The following RALGAPB variants were observed in gnomAD, a reference collection of about 807,000 sequenced individuals.
RALGAPB encodes the protein ral GTPase-activating protein subunit beta.
Under a neutral mutation model 161.1 loss-of-function variants are expected in RALGAPB, and 25 were observed. That is an observed-to-expected ratio of 0.16 (90% CI 0.11 to 0.22). The LOEUF (loss-of-function observed/expected upper bound fraction) is 0.22, where lower values mean the gene tolerates loss of function less well. Among genes scored for constraint, RALGAPB ranks in the 10% least tolerant of loss-of-function variants. RALGAPB has a pLI of 1.00. For missense variants in RALGAPB, 1,391 were observed against 1,815.2 expected, an observed-to-expected ratio of 0.77 and a Z score of 4.25; for synonymous variants, 629 against 626.1, an observed-to-expected ratio of 1.00 and a Z score of -0.07.
At chr20:38,560,109 T>G (rs972627894) in intron 23 of RALGAPB, among the ~76,000 whole-genome samples, 13 of 152,152 alleles carry the variant, frequency 8.5e-5, no homozygotes, top group African/African-American at 3.1e-4. Context: ...TGAGAAAGTT[T>G]TTTTTTTTTG....
At chr20:38,556,059 A>G (rs1174361356) in intron 22 of RALGAPB, among the ~76,000 whole-genome samples, 1 of 152,196 alleles carries the variant, frequency 6.6e-6, no homozygotes, top group Admixed American at 6.5e-5. Flanking sequence ...GTCAGTATTT[A>G]CTAGAATCAT....
At chr20:38,514,554 G>A (rs1470175372) in intron 6 of RALGAPB, among the ~76,000 whole-genome samples, 2 of 152,164 alleles carry the variant, frequency 1.3e-5, no homozygotes, top group East Asian at 3.9e-4. Context: ...CAGGTCATGA[G>A]GATTTTTTAT....
chr20:38,572,972 G>C (rs189352314), intron 28 of RALGAPB, among the ~76,000 whole-genome samples: 1 of 151,800 alleles, frequency 6.6e-6, no homozygotes, highest in Non-Finnish European at 1.5e-5. Context: ...TTTTCTTTAT[G>C]ACACTAACTT....
intron 6 of RALGAPB, among the ~76,000 whole-genome samples, chr20:38,511,763 CTT>C (rs1325772344): frequency 6.6e-6 from 1 of 152,270 alleles, no homozygotes; most frequent in Non-Finnish European, 1.5e-5. Context: ...TCTGATCTCT[CTT>C]TCTTTTCCCC....
chr20:38,567,019 G>A (rs1432383161), intron 25 of RALGAPB, 77 bp from the exon 26 acceptor site: 1 of 1,525,344 alleles, frequency 6.6e-7, no homozygotes, highest in Non-Finnish European at 8.8e-7. Context: ...TTAGACTGGT[G>A]AGCATAATTA....
chr20:38,542,865 GA>G (rs139383773), intron 18 of RALGAPB, among the ~76,000 whole-genome samples: 19 of 148,068 alleles, frequency 1.3e-4, no homozygotes, highest in African/African-American at 3.2e-4. Flanking sequence ...TTCCATCTCA[GA>G]AAAAAAAAAG....
chr20:38,527,709 A>G (rs926794042), intron 13 of RALGAPB, among the ~76,000 whole-genome samples: 2 of 152,178 alleles, frequency 1.3e-5, no homozygotes, highest in Middle Eastern at 3.2e-3. Flanking sequence ...AGAACCTCCA[A>G]GTTACAATGT....
At chr20:38,476,486 G>A (rs1403081950) in intron 1 of RALGAPB, among the ~76,000 whole-genome samples, 4 of 152,076 alleles carry the variant, frequency 2.6e-5, no homozygotes, top group African/African-American at 9.7e-5. Flanking sequence ...GTCCCCTTTC[G>A]CCCCCGACCC....
At chr20:38,483,194 CTAT>C (rs2085024720) in intron 1 of RALGAPB, among the ~76,000 whole-genome samples, 1 of 152,206 alleles carries the variant, frequency 6.6e-6, no homozygotes, top group East Asian at 1.9e-4. Flanking sequence ...TGGCCTTATT[CTAT>C]TATTATCCCC....
intron 14 of RALGAPB, among the ~76,000 whole-genome samples, chr20:38,532,232 A>G (rs1275734928): frequency 4.6e-5 from 7 of 151,638 alleles, no homozygotes; most frequent in Admixed American, 4.6e-4. Flanking sequence ...ATTTTTTTGT[A>G]TTTTTTAATA....
intron 2 of RALGAPB, among the ~76,000 whole-genome samples, chr20:38,491,376 G>A (rs1443974527): frequency 6.6e-6 from 1 of 151,762 alleles, no homozygotes; most frequent in Non-Finnish European, 1.5e-5. Context: ...AGAGCCTTTG[G>A]CATGCCACTG....
At chr20:38,539,023 T>C (rs1346368249) in intron 16 of RALGAPB, among the ~76,000 whole-genome samples, 1 of 152,210 alleles carries the variant, frequency 6.6e-6, no homozygotes, top group Admixed American at 6.5e-5. Context: ...TAAATTGTGG[T>C]ATATCCATGC....
At chr20:38,510,301 C>T (rs942728487) in intron 6 of RALGAPB, among the ~76,000 whole-genome samples, 1 of 152,102 alleles carries the variant, frequency 6.6e-6, no homozygotes, top group African/African-American at 2.4e-5. Context: ...AGCCACCGCA[C>T]CCAGCCTGGA....
chr20:38,503,631 T>C (rs144472466), intron 5 of RALGAPB, among the ~76,000 whole-genome samples: 1 of 152,332 alleles, frequency 6.6e-6, no homozygotes, highest in African/African-American at 2.4e-5. Flanking sequence ...ATTGTTGAAA[T>C]GACAGCAAAG....
At chr20:38,473,721 C>T (rs912192527) in intron 1 of RALGAPB, among the ~76,000 whole-genome samples, 23 of 152,184 alleles carry the variant, frequency 1.5e-4, no homozygotes, top group African/African-American at 4.8e-4. Flanking sequence ...GGCAGTGGCT[C>T]TCCAACTTTG....
chr20:38,551,574 A>G (rs2087378695), intron 21 of RALGAPB, among the ~76,000 whole-genome samples: 2 of 152,318 alleles, frequency 1.3e-5, no homozygotes, highest in South Asian at 4.1e-4. Flanking sequence ...TTTCACTCAT[A>G]TGGAATTTTA....
intron 14 of RALGAPB, among the ~76,000 whole-genome samples, chr20:38,532,206 C>T (rs141090607): frequency 0.022 from 3,401 of 152,248 alleles, 41 homozygotes; most frequent in Non-Finnish European, 0.031. Context: ...CAGGCGCCTG[C>T]CACTGCGCCC....
intron 18 of RALGAPB, among the ~76,000 whole-genome samples, chr20:38,541,741 A>C (rs1040681489): frequency 1.3e-5 from 2 of 152,200 alleles, no homozygotes; most frequent in African/African-American, 4.8e-5. Flanking sequence ...TATTAGGTGG[A>C]AAATAAGTGC....
Position 38,577,869 on chromosome 20 carries a change from T to C in RALGAPB, c.*2902T>C, listed in dbSNP as rs1365091130. 6.6e-6 allele frequency: 1 copy of C among 152,220 alleles called. No individual in the cohort carries two copies. Among genetic ancestry groups the C allele is most frequent in the Non-Finnish European group, 1.5e-5 (1 of 68,076 alleles). 9.4% of individuals were successfully genotyped at this position (152,220 alleles called of 1,614,324 possible). On this transcript the variant is annotated 3_prime_UTR_variant, in exon 30 of 30. Transcript: ENST00000262879. ...TCAGTTACCTGCTGCAGGTTCTGTG[T>C]ATGAGGCCTTCATGAACGGTTACCT...
Sources: allele counts gnomAD v4.1 joint callset (sites outside exome capture counted in the v4.1 genomes callset), GRCh38; gene constraint gnomAD v4.1.1; transcripts MANE v1.5; gene names NCBI Gene and HGNC (gene_info 2026-07-23, HGNC 2026-07-21).